FHIT: variants seen among roughly 807,000 people sequenced by gnomAD.
FHIT encodes bis(5'-adenosyl)-triphosphatase.
In FHIT, 19 loss-of-function variants were observed where a neutral mutation model predicts 17.9. The ratio of observed to expected loss-of-function variants is 1.06; its 90% CI spans 0.74 to 1.56. The LOEUF is 1.56. Ranked by LOEUF, FHIT falls within the 40% of genes most tolerant of loss-of-function variation. The pLI is 0.00. For synonymous variants in FHIT, 81 were observed against 69.7 expected (o/e 1.16, Z -0.81); for missense variants, 248 against 189.2 (o/e 1.31, Z -1.82).
intron 5 of FHIT, among the ~76,000 whole-genome samples, chr3:60,383,136 T>C (rs765531096): frequency 6.6e-6 from 1 of 152,178 alleles, no homozygotes; most frequent in Non-Finnish European, 1.5e-5. Context: ...GACAGAAATG[T>C]TTACCGATAG....
chr3:61,153,129 C>G (rs1052217903), intron 2 of FHIT, among the ~76,000 whole-genome samples: 13 of 117,240 alleles, frequency 1.1e-4, no homozygotes, highest in African/African-American at 4.3e-4. Context: ...GGTGCCAGAG[C>G]AAGACTCCAT....
At chr3:60,082,933 G>C (rs1461568423) in intron 5 of FHIT, among the ~76,000 whole-genome samples, 1 of 152,080 alleles carries the variant, frequency 6.6e-6, no homozygotes, top group African/African-American at 2.4e-5. Flanking sequence ...CTGTTTCTCT[G>C]TTGGTAGTTT....
At chr3:59,904,086 C>T (rs1201376442) in intron 8 of FHIT, among the ~76,000 whole-genome samples, 1 of 146,788 alleles carries the variant, frequency 6.8e-6, no homozygotes, top group Non-Finnish European at 1.5e-5. Flanking sequence ...TCCCCCACAC[C>T]CCCCCGCCCC....
At chr3:61,043,601 T>C (rs1406764138) in intron 2 of FHIT, among the ~76,000 whole-genome samples, 1 of 152,164 alleles carries the variant, frequency 6.6e-6, no homozygotes, top group Non-Finnish European at 1.5e-5. Context: ...GACTTAAACG[T>C]CCCTGTCTGA....
chr3:59,900,151 T>C (rs936095030), intron 8 of FHIT, among the ~76,000 whole-genome samples: 1 of 152,046 alleles, frequency 6.6e-6, no homozygotes, highest in Admixed American at 6.5e-5. Flanking sequence ...GATTCCCCAC[T>C]CTGGTAGCCA....
intron 5 of FHIT, among the ~76,000 whole-genome samples, chr3:60,403,526 A>T (rs766802582): frequency 7.2e-5 from 11 of 152,224 alleles, no homozygotes; most frequent in Non-Finnish European, 1.5e-5. Flanking sequence ...CAAAACCTAA[A>T]AATATTATTC....
chr3:60,901,892 T>A (rs1706132025), intron 3 of FHIT, among the ~76,000 whole-genome samples: 1 of 152,216 alleles, frequency 6.6e-6, no homozygotes, highest in Admixed American at 6.5e-5. Context: ...AAGCTAGGAA[T>A]ACGTCATAAG....
At chr3:60,695,849 G>A (rs1559646492) in intron 4 of FHIT, among the ~76,000 whole-genome samples, 1 of 152,162 alleles carries the variant, frequency 6.6e-6, no homozygotes, top group African/African-American at 2.4e-5. Flanking sequence ...CATTATGAGG[G>A]TTGTTGTGAG....
At chr3:60,120,572 A>G (rs1412450415) in intron 5 of FHIT, among the ~76,000 whole-genome samples, 2 of 152,344 alleles carry the variant, frequency 1.3e-5, no homozygotes, top group Admixed American at 6.5e-5. Context: ...CTGGAGTATA[A>G]AAATTTACTG....
At chr3:59,890,510 G>A (rs1052695024) in intron 8 of FHIT, among the ~76,000 whole-genome samples, 25 of 152,090 alleles carry the variant, frequency 1.6e-4, no homozygotes, top group Non-Finnish European at 1.5e-5. Flanking sequence ...TTCCTGTTGG[G>A]GAAGTTCTGA....
rs750262415 is a variant in FHIT at position 60,182,623 on chromosome 3, A to G, written c.104-168471T>C. Among the ~76,000 whole-genome samples the G allele has an allele frequency of 9.4e-4, 143 of 152,020 alleles. 8 individuals are homozygous for G. Among genetic ancestry groups the G allele is most frequent in the Non-Finnish European group, 2.6e-4 (18 of 68,006 alleles). Reference sequence around the variant, plus strand: ...CAAGTTCCTGTCTCTACAAAAAAATATAACAACAAAAAAGTCAGGCACAGC... The same window carrying G: ...CAAGTTCCTGTCTCTACAAAAAAATGTAACAACAAAAAAGTCAGGCACAGC... On this transcript the variant is annotated intron_variant, in intron 5 of 9. Coordinates refer to ENST00000492590, the MANE Select transcript of FHIT (RefSeq NM_002012.4).
intron 8 of FHIT, among the ~76,000 whole-genome samples, chr3:59,753,477 C>T (rs941563624): frequency 6.6e-6 from 1 of 152,080 alleles, no homozygotes; most frequent in Non-Finnish European, 1.5e-5. Context: ...CAATTTTCTC[C>T]CTTAACCTCC....
chr3:60,145,587 T>C (rs1351433497), intron 5 of FHIT, among the ~76,000 whole-genome samples: 1 of 152,150 alleles, frequency 6.6e-6, no homozygotes, highest in African/African-American at 2.4e-5. Context: ...CAAATATTCA[T>C]CATTTATCAG....
chr3:60,272,470 G>C (rs969586813), intron 5 of FHIT, among the ~76,000 whole-genome samples: 1 of 152,130 alleles, frequency 6.6e-6, no homozygotes, highest in Non-Finnish European at 1.5e-5. Flanking sequence ...GCTATCTGGG[G>C]CACAGGGTAT....
intron 8 of FHIT, among the ~76,000 whole-genome samples, chr3:59,896,736 A>G (rs1704089272): frequency 1.3e-5 from 2 of 152,210 alleles, no homozygotes; most frequent in Admixed American, 6.5e-5. Flanking sequence ...AAATAAATTT[A>G]AGTGTGTTTT....
intron 5 of FHIT, among the ~76,000 whole-genome samples, chr3:60,518,649 G>C (rs1469946523): frequency 6.6e-6 from 1 of 152,130 alleles, no homozygotes; most frequent in African/African-American, 2.4e-5. Flanking sequence ...ATGTCGAAAA[G>C]TCAGTAATAA....
At chr3:60,091,970 T>A (rs905486714) in intron 5 of FHIT, among the ~76,000 whole-genome samples, 1 of 152,162 alleles carries the variant, frequency 6.6e-6, no homozygotes, top group East Asian at 1.9e-4. Context: ...AAATACACCA[T>A]AGTACCTCCA....
intron 8 of FHIT, among the ~76,000 whole-genome samples, chr3:59,796,369 G>A (rs1384375788): frequency 2.0e-5 from 3 of 151,860 alleles, no homozygotes; most frequent in Non-Finnish European, 4.4e-5. Flanking sequence ...CCTCTTTAAG[G>A]TCCTTACACC....
intron 5 of FHIT, among the ~76,000 whole-genome samples, chr3:60,019,018 T>C (rs1314238903): frequency 6.6e-6 from 1 of 151,970 alleles, no homozygotes; most frequent in African/African-American, 2.4e-5. Context: ...CATTGATAGG[T>C]TTTACTACCA....
Sources: gnomAD v4.1 joint callset for allele counts (sites outside exome capture counted in the v4.1 genomes callset) on GRCh38, gnomAD v4.1.1 for gene constraint, MANE v1.5 for transcripts, NCBI Gene and HGNC (gene_info 2026-07-23, HGNC 2026-07-21) for gene names.